Variants in NLK observed in about 807,000 individuals in gnomAD.
NLK encodes the protein serine/threonine-protein kinase NLK.
In NLK, 11 loss-of-function variants were observed where a neutral mutation model predicts 59.0. The ratio of observed to expected loss-of-function variants is 0.19; its 90% CI spans 0.12 to 0.31. NLK has a LOEUF of 0.31. NLK is among the 10% of genes least tolerant of loss of function. The probability of loss-of-function intolerance (pLI) is 1.00; values close to 1 mark genes in which losing one functional copy is unlikely to be tolerated. For missense variants in NLK, 410 were observed against 661.1 expected (o/e 0.62, Z 4.16); for synonymous variants, 235 against 235.9 (o/e 1.00, Z 0.03).
At chr17:28,082,992 ACTGT>A (rs1339414276) in intron 1 of NLK, among the ~76,000 whole-genome samples, 6 of 152,154 alleles carry the variant, frequency 3.9e-5, no homozygotes, top group African/African-American at 9.7e-5. Flanking sequence ...TATGCAGAGG[ACTGT>A]CTATTTGGAA....
intron 3 of NLK, 101 bp from the exon 4 acceptor site, chr17:28,161,059 T>C (rs1907984556): frequency 4.5e-6 from 3 of 666,356 alleles, no homozygotes; most frequent in Non-Finnish European, 8.1e-6. Context: ...TTTCCCCACT[T>C]TTCCAGCCTT....
chr17:28,059,056 G>A (rs1032442525), intron 1 of NLK, among the ~76,000 whole-genome samples: 2 of 152,130 alleles, frequency 1.3e-5, no homozygotes, highest in Non-Finnish European at 2.9e-5. Context: ...AGGCCAGGAG[G>A]CAGAGGTTGC....
intron 1 of NLK, among the ~76,000 whole-genome samples, chr17:28,080,758 A>G (rs1910316292): frequency 6.6e-6 from 1 of 152,270 alleles, no homozygotes; most frequent in African/African-American, 2.4e-5. Flanking sequence ...TGTTGAAAAC[A>G]GAAGACCAAA....
chr17:28,204,996 G>A, the NLK span, among the ~76,000 whole-genome samples: 2 of 152,204 alleles, frequency 1.3e-5, no homozygotes, highest in Non-Finnish European at 2.9e-5. Flanking sequence ...GACTTTCTAA[G>A]AATGACTCAG....
intron 3 of NLK, among the ~76,000 whole-genome samples, chr17:28,157,743 A>T (rs1907834373): frequency 6.6e-6 from 1 of 152,224 alleles, no homozygotes; most frequent in South Asian, 2.1e-4. Context: ...CTTCACTACT[A>T]TGTAACCGTA....
intron 1 of NLK, among the ~76,000 whole-genome samples, chr17:28,110,247 T>G (rs1028132345): frequency 2.0e-5 from 3 of 152,272 alleles, no homozygotes. Context: ...ATATTTTCAT[T>G]TGGACTTCAT....
chr17:28,043,775 TC>T (rs1458868805), intron 1 of NLK, among the ~76,000 whole-genome samples: 3 of 152,264 alleles, frequency 2.0e-5, no homozygotes, highest in Non-Finnish European at 2.9e-5. Context: ...TACTTTCCTG[TC>T]CTTTCTGTCT....
chr17:28,111,896 G>GGGGTGTGT (rs1905520867), intron 1 of NLK, among the ~76,000 whole-genome samples: 3 of 67,484 alleles, frequency 4.4e-5, no homozygotes, highest in Admixed American at 1.9e-4. Flanking sequence ...GTGTGTGTGT[G>GGGGTGTGT]GTGTGTGTGT....
intron 8 of NLK, among the ~76,000 whole-genome samples, chr17:28,190,599 G>T (rs1321496239): frequency 3.3e-5 from 5 of 152,000 alleles, no homozygotes. Context: ...AAAATTTCAA[G>T]CAACTTTGAA....
chr17:28,150,080 CTA>C (rs1415236629), intron 3 of NLK, among the ~76,000 whole-genome samples: 1 of 152,144 alleles, frequency 6.6e-6, no homozygotes, highest in Non-Finnish European at 1.5e-5. Context: ...TCATTACAAT[CTA>C]GATTTAAATG....
At chr17:28,118,238 C>T (rs1905867637) in intron 1 of NLK, among the ~76,000 whole-genome samples, 2 of 152,048 alleles carry the variant, frequency 1.3e-5, no homozygotes. Context: ...GAGATATGTA[C>T]TCAGTATAGT....
At chr17:28,089,737 A>G (rs1904417048) in intron 1 of NLK, among the ~76,000 whole-genome samples, 1 of 152,076 alleles carries the variant, frequency 6.6e-6, no homozygotes, top group Non-Finnish European at 1.5e-5. Flanking sequence ...TAGTATGGTT[A>G]GTTTTTTAAA....
intron 3 of NLK, among the ~76,000 whole-genome samples, chr17:28,155,333 G>T (rs1362576862): frequency 1.3e-5 from 2 of 152,132 alleles, no homozygotes; most frequent in East Asian, 1.9e-4. Flanking sequence ...CTGCTGGTGG[G>T]AGTATAAATT....
chr17:28,136,543 T>C (rs756138042), intron 3 of NLK, among the ~76,000 whole-genome samples: 15 of 152,176 alleles, frequency 9.9e-5, no homozygotes, highest in Non-Finnish European at 2.2e-4. Flanking sequence ...TAGTTACATA[T>C]ATGTTCTGCC....
In NLK at chr17:28,186,598, G is replaced by A. The variant is rs376154844; in HGVS notation, c.1236+1333G>A. On this transcript the variant is annotated intron_variant, in intron 8 of 10. Coordinates refer to ENST00000407008, the MANE Select transcript of NLK (RefSeq NM_016231.5). ...TGGGGAAGCCTCACAATCATGGCGG[G>A]AGGTGAGGAGGAGCAAGTCATGTCT... Among the ~76,000 whole-genome samples the A allele has an allele frequency of 4.5e-4, 68 of 151,804 alleles. No individual in the cohort carries two copies. In the South Asian group the frequency reaches 0.013, roughly 30 times the overall value.
chr17:28,098,562 C>A (rs1904784419), intron 1 of NLK, among the ~76,000 whole-genome samples: 1 of 151,850 alleles, frequency 6.6e-6, no homozygotes, highest in African/African-American at 2.4e-5. Context: ...TATTATTGGC[C>A]ACATCATTTT....
chr17:28,132,021 C>T (rs1467578684), intron 2 of NLK, among the ~76,000 whole-genome samples: 5 of 152,112 alleles, frequency 3.3e-5, no homozygotes, highest in Non-Finnish European at 7.4e-5. Context: ...ACACTGCCTG[C>T]CCATCGATCA....
At chr17:28,199,332 G>A (rs900017447), downstream of NLK, among the ~76,000 whole-genome samples, 1 of 152,140 alleles carries the variant, frequency 6.6e-6, no homozygotes, top group African/African-American at 2.4e-5. Context: ...GCACAGTGGT[G>A]TGTGCCTGTA....
rs532262350 is a variant in NLK, at chr17:28,190,930, T to C, written c.1237-91T>C. On this transcript the variant is annotated intron_variant, in intron 8 of 10. Coordinates refer to ENST00000407008, the MANE Select transcript of NLK (RefSeq NM_016231.5). ...TGTACTATAAATTATATATATGCTA[T>C]GTCAAGCAGTTAATGTGTCTTTTGA... The C allele has an allele frequency of 1.6e-5, 14 of 859,390 alleles. No homozygotes were observed. The South Asian group carries it at 2.4e-4, about 15-fold the overall frequency. 53.2% of individuals were successfully genotyped at this position (859,390 alleles called of 1,614,324 possible).
Sources: gnomAD v4.1 joint callset for allele counts (sites outside exome capture counted in the v4.1 genomes callset) on GRCh38, gnomAD v4.1.1 for gene constraint, MANE v1.5 for transcripts, NCBI Gene and HGNC (gene_info 2026-07-23, HGNC 2026-07-21) for gene names.